The following HIGD1A variants were observed in gnomAD, a reference collection of about 807,000 sequenced individuals.
The protein encoded by HIGD1A is HIG1 domain family member 1A, mitochondrial.
Under a neutral mutation model 11.3 loss-of-function variants are expected in HIGD1A, and 8 were observed. That is an observed-to-expected ratio of 0.71 (90% CI 0.42 to 1.28). HIGD1A has a LOEUF of 1.28. HIGD1A is among the 50% of genes most tolerant of loss of function. HIGD1A has a pLI of 0.01. For missense variants in HIGD1A, 107 were observed against 118.8 expected, an observed-to-expected ratio of 0.90 and a Z score of 0.46; for synonymous variants, 32 against 38.4, an observed-to-expected ratio of 0.83 and a Z score of 0.62.
intron 2 of HIGD1A, among the ~76,000 whole-genome samples, chr3:42,790,299 G>C (rs1019308654): frequency 1.3e-5 from 2 of 152,194 alleles, no homozygotes; most frequent in African/African-American, 4.8e-5. Flanking sequence ...TTGGGAGGCT[G>C]AGGCAGGTGG....
chr3:42,802,801 TAG>T (rs1254739252), intron 1 of HIGD1A, among the ~76,000 whole-genome samples: 4 of 152,220 alleles, frequency 2.6e-5, no homozygotes, highest in African/African-American at 4.8e-5. Context: ...GCTCTTCTGA[TAG>T]AGAGTCCTGG....
Position 42,785,176 on chromosome 3 carries a change from A to C in HIGD1A, c.*95T>G. On this transcript the variant is annotated 3_prime_UTR_variant, in exon 4 of 4. Coordinates refer to ENST00000321331, the MANE Select transcript of HIGD1A (RefSeq NM_014056.4). ...CCATGTTACCATCTAAACCCATACA[A>C]ATTAGTTTATTTCCAACAATAATAG... The C allele has an allele frequency of 2.1e-6, 2 of 964,558 alleles. No individual in the cohort carries two copies. 59.7% of individuals were successfully genotyped at this position (964,558 alleles called of 1,614,324 possible).
chr3:42,796,027 T>A (rs1700493953), intron 1 of HIGD1A, among the ~76,000 whole-genome samples: 1 of 152,224 alleles, frequency 6.6e-6, no homozygotes. Flanking sequence ...TTACTTTCAC[T>A]TCTGGGTTTT....
At chr3:42,788,646 C>T (rs1194831714) in intron 2 of HIGD1A, among the ~76,000 whole-genome samples, 1 of 152,092 alleles carries the variant, frequency 6.6e-6, no homozygotes, top group Non-Finnish European at 1.5e-5. Flanking sequence ...CTTTGGGAGG[C>T]CGAGGCAGGT....
At position 42,786,164 on chromosome 3, in the gene HIGD1A, T is replaced by C; in HGVS notation, c.98-2A>G. 6.2e-7 allele frequency: 1 copy of C among 1,613,996 alleles called. No individual in the cohort carries two copies. The highest frequency in any genetic ancestry group is 1.3e-5 in the African/African-American group (1 of 75,050). ...CAATTGCTGCAAAACCCGCTATTCC[T>C]GTAAAACAAAGTAACAAGTATGTCA... On this transcript the variant is annotated splice_acceptor_variant, in intron 2 of 3. Transcript: ENST00000321331. LOFTEE classifies it high-confidence loss of function.
At chr3:42,788,710 C>T (rs557438024) in intron 2 of HIGD1A, among the ~76,000 whole-genome samples, 1 of 151,680 alleles carries the variant, frequency 6.6e-6, no homozygotes, top group East Asian at 2.0e-4. Context: ...GGTGAAACCC[C>T]GTCTCTACTA....
Position 42,785,054 on chromosome 3 carries a change from T to C in HIGD1A, c.*217A>G, listed in dbSNP as rs1400343725. The C allele has an allele frequency of 4.4e-6, 2 of 457,612 alleles. No individual in the cohort carries two copies. The highest frequency in any genetic ancestry group is 4.0e-5 in the African/African-American group (2 of 49,974). The allele number at this position is 457,612 out of a possible 1,614,324, so 28.3% of individuals were successfully genotyped here. A position where few individuals can be genotyped will look rare whatever the true frequency, so the allele number is the denominator to read the frequency against. On this transcript the variant is annotated 3_prime_UTR_variant, in exon 4 of 4. Transcript: ENST00000321331. Reference sequence around the variant, plus strand: ...ATTTAGGTGACATGTTTAAGTTAACTTGACTTCCTTGAATGACCTAGTTAG... The same window carrying C: ...ATTTAGGTGACATGTTTAAGTTAACCTGACTTCCTTGAATGACCTAGTTAG...
At chr3:42,787,883 A>C (rs1387321341) in intron 2 of HIGD1A, among the ~76,000 whole-genome samples, 1 of 151,946 alleles carries the variant, frequency 6.6e-6, no homozygotes, top group Non-Finnish European at 1.5e-5. Flanking sequence ...CACATTCTTT[A>C]AAATGTCTAT....
At chr3:42,803,833 A>C (rs760859488) in intron 1 of HIGD1A, among the ~76,000 whole-genome samples, 26 of 152,220 alleles carry the variant, frequency 1.7e-4, no homozygotes, top group Non-Finnish European at 3.1e-4. Context: ...GAAGCACTAC[A>C]CAGGACCCTA....
chr3:42,794,256 T>C lies in HIGD1A; in HGVS notation c.-3A>G, dbSNP rs767200887. ...GAAACACCTGTGTCTGTTGACATAG[T>C]GATTGCTTGAAGAATCTCCCTGAGA... On this transcript the variant is annotated 5_prime_UTR_variant, in exon 2 of 4. Transcript: ENST00000321331. 2 of 1,588,056 alleles carry C rather than the reference T, an allele frequency of 1.3e-6. No individual in the cohort carries two copies. Among genetic ancestry groups the C allele is most frequent in the South Asian group, 2.3e-5 (2 of 85,126 alleles).
At chr3:42,790,555 T>G (rs924875056) in intron 2 of HIGD1A, among the ~76,000 whole-genome samples, 1 of 152,002 alleles carries the variant, frequency 6.6e-6, no homozygotes, top group African/African-American at 2.4e-5. Flanking sequence ...GAAAAACAAC[T>G]AGAACCAATA....
chr3:42,789,750 A>C (rs1243640684), intron 2 of HIGD1A, among the ~76,000 whole-genome samples: 1 of 151,988 alleles, frequency 6.6e-6, no homozygotes, highest in Non-Finnish European at 1.5e-5. Flanking sequence ...ATTTAGAGAC[A>C]GGGTCTTGCT....
chr3:42,803,128 A>G (rs987270620), intron 1 of HIGD1A, among the ~76,000 whole-genome samples: 2 of 152,166 alleles, frequency 1.3e-5, no homozygotes, highest in Non-Finnish European at 2.9e-5. Flanking sequence ...TTCTGTCAGA[A>G]AGTTGAATAG....
intron 2 of HIGD1A, among the ~76,000 whole-genome samples, chr3:42,789,261 C>T (rs966943867): frequency 6.6e-6 from 1 of 151,922 alleles, no homozygotes; most frequent in African/African-American, 2.4e-5. Flanking sequence ...AGGCTGGTCT[C>T]GAACTCCTGA....
rs1700424106 is a variant in HIGD1A, at chr3:42,791,759, AT to A, written c.97+2397del. Among the ~76,000 whole-genome samples, 6 of 149,680 alleles carry A rather than the reference AT, an allele frequency of 4.0e-5. No individual in the cohort carries two copies. The South Asian group carries it at 1.3e-3, about 33-fold the overall frequency. On this transcript the variant is annotated intron_variant, in intron 2 of 3. Transcript: ENST00000321331. The stretch of plus-strand genomic sequence containing the variant: ...AAAGAGCAGAAAATTTTATATTTGT[AT>A]CTTATCCTTTTGAAATGTCTTTCTG...
At chr3:42,796,428 AGTT>A (rs1228723999) in intron 1 of HIGD1A, among the ~76,000 whole-genome samples, 2 of 130,108 alleles carry the variant, frequency 1.5e-5, no homozygotes, top group African/African-American at 5.0e-5. Context: ...TTCAAAAATT[AGTT>A]GTTGTTTTTT....
intron 1 of HIGD1A, among the ~76,000 whole-genome samples, chr3:42,800,373 AC>A (rs1289642988): frequency 6.6e-5 from 10 of 151,978 alleles, no homozygotes; most frequent in Admixed American, 2.6e-4. Context: ...GAAAAAAAAA[AC>A]ATGACCTTCT....
chr3:42,787,643 TTAAAA>T (rs1429994773), intron 2 of HIGD1A, among the ~76,000 whole-genome samples: 1 of 144,486 alleles, frequency 6.9e-6, no homozygotes, highest in Non-Finnish European at 1.5e-5. Flanking sequence ...TCATAAAACT[TTAAAA>T]TAATCTAATA....
intron 1 of HIGD1A, among the ~76,000 whole-genome samples, chr3:42,801,590 AAAAAAT>A (rs1263853845): frequency 1.3e-5 from 2 of 152,212 alleles, no homozygotes; most frequent in East Asian, 3.8e-4. Context: ...ATTGAGTACA[AAAAAAT>A]AACAATCATA....
Sources: gnomAD v4.1 joint callset for allele counts (sites outside exome capture counted in the v4.1 genomes callset) on GRCh38, gnomAD v4.1.1 for gene constraint, MANE v1.5 for transcripts, NCBI Gene and HGNC (gene_info 2026-07-23, HGNC 2026-07-21) for gene names.